Variants in LTN1 observed in about 807,000 individuals in gnomAD.
LTN1 encodes the protein E3 ubiquitin-protein ligase listerin.
In LTN1, 88 loss-of-function variants were observed where a neutral mutation model predicts 201.2. The ratio of observed to expected loss-of-function variants is 0.44; its 90% CI spans 0.37 to 0.52. The LOEUF (loss-of-function observed/expected upper bound fraction) is 0.52, where lower values mean the gene tolerates loss of function less well. Among genes scored for constraint, LTN1 ranks in the 20% least tolerant of loss-of-function variants. LTN1 has a pLI of 0.00. For missense variants in LTN1, 1,752 were observed against 2,038.7 expected (o/e 0.86, Z 2.71); for synonymous variants, 645 against 713.5 (o/e 0.90, Z 1.53).
chr21:28,943,239 CA>C (rs962205103), intron 24 of LTN1, 22 bp downstream of exon 24: 1 of 1,474,724 alleles, frequency 6.8e-7, no homozygotes, highest in Non-Finnish European at 9.4e-7. Flanking sequence ...TTTAATAAAA[CA>C]AATTATTTAA....
In LTN1 at chr21:28,984,751, C is replaced by T; in HGVS notation, c.517G>A (p.Ala173Thr). ...AFAAKDAFEA[A>T]FPPSKQPEAI... Reference sequence around the variant, plus strand: ...TCAGGTTGCTTGCTTGGAGGAAAAGCCGCTTCAAATGCATCTTTTGCTGCA... The same window carrying T: ...TCAGGTTGCTTGCTTGGAGGAAAAGTCGCTTCAAATGCATCTTTTGCTGCA... The change falls in exon 4 of 30, where the codon GCT becomes ACT. Residue 173 changes from alanine (A) to threonine (T), a missense_variant. Physicochemically the swap from Ala to Thr is moderately conservative, Grantham distance 58. Around this residue, in one of 3 missense-constraint regions of LTN1, gnomAD observed 280 missense variants for 375.7 expected, o/e 0.75. Transcript: ENST00000361371. The T allele has an allele frequency of 1.2e-6, 2 of 1,614,144 alleles. No individual in the cohort carries two copies. The highest frequency in any genetic ancestry group is 1.7e-6 in the Non-Finnish European group (2 of 1,180,006).
chr21:28,967,897 T>C (rs1399062954), intron 9 of LTN1: 1 of 152,210 alleles, frequency 6.6e-6, no homozygotes, highest in East Asian at 1.9e-4. Context: ...ATAGCTGGTA[T>C]CTGCTGCAGA....
intron 16 of LTN1, among the ~76,000 whole-genome samples, chr21:28,954,736 T>A (rs2084410401): frequency 6.6e-6 from 1 of 152,186 alleles, no homozygotes; most frequent in Non-Finnish European, 1.5e-5. Context: ...AATATTCATA[T>A]GTAGAAAAGT....
chr21:28,952,837 T>C (rs1256561836), intron 17 of LTN1, among the ~76,000 whole-genome samples: 3 of 152,208 alleles, frequency 2.0e-5, no homozygotes, highest in African/African-American at 7.2e-5. Flanking sequence ...GCCTTCCTAA[T>C]CTAGGGGAGA....
Position 28,958,388 on chromosome 21 carries a change from G to GT in LTN1, c.2744dup (p.Asn915LysfsTer11). 1 of 1,598,966 alleles carries GT rather than the reference G, an allele frequency of 6.3e-7. No homozygotes were observed. Among genetic ancestry groups the GT allele is most frequent in the African/African-American group, 1.4e-5 (1 of 73,686 alleles). ...AAACCAAGCTCAAAAAAGGTTACCT[G>GT]TTGATATCCAAAGATGAAGCCTGAA... On this transcript the variant is annotated frameshift_variant, in exon 14 of 30. Coordinates refer to ENST00000361371, the MANE Select transcript of LTN1 (RefSeq NM_015565.3). LOFTEE classifies it high-confidence loss of function.
chr21:28,980,994 TGAATAGCCTACCACACA>T, intron 6 of LTN1, 108 bp downstream of exon 6: 1 of 519,100 alleles, frequency 1.9e-6, no homozygotes, highest in Non-Finnish European at 3.3e-6. Flanking sequence ...ATTCAGTAAA[TGAATAGCCTACCACACA>T]GATGTGCTTG....
chr21:28,929,442 C>G lies in LTN1; in HGVS notation c.*1006G>C, dbSNP rs1200533658. The G allele has an allele frequency of 6.6e-6, 1 of 152,372 alleles. No individual in the cohort carries two copies. Among genetic ancestry groups the G allele is most frequent in the Non-Finnish European group, 1.5e-5 (1 of 67,972 alleles). The allele number at this position is 152,372 out of a possible 1,614,324, so 9.4% of individuals were successfully genotyped here. On this transcript the variant is annotated 3_prime_UTR_variant, in exon 30 of 30. Coordinates refer to ENST00000361371, the MANE Select transcript of LTN1 (RefSeq NM_015565.3). ...CTATTATACTGAATTTTACCTAGTG[C>G]TAAAATCCTTAACTTTCATTTCTGA...
intron 16 of LTN1, among the ~76,000 whole-genome samples, chr21:28,955,364 C>T (rs2084416238): frequency 6.6e-6 from 1 of 151,944 alleles, no homozygotes; most frequent in Non-Finnish European, 1.5e-5. Flanking sequence ...AACTTATATA[C>T]TATTGGTAGG....
At position 28,969,546 on chromosome 21, in the gene LTN1, C is replaced by T. The variant is rs765617080; in HGVS notation, c.1231G>A (p.Ala411Thr). Reference sequence around the variant, plus strand: ...ATAAAACGTAAGCATTCAAAAAAAGCAGATATTACTGCCGAGGACTCTAAA... The same window carrying T: ...ATAAAACGTAAGCATTCAAAAAAAGTAGATATTACTGCCGAGGACTCTAAA... Reference protein sequence around the residue: ...SSLESSAVISAFFECLRFIMQ... With the variant: ...SSLESSAVISTFFECLRFIMQ... Residue 411 changes from alanine (A) to threonine (T), a missense_variant, in exon 9 of 30, where the codon GCT (alanine) becomes ACT (threonine). Physicochemically the swap from Ala to Thr is moderately conservative, Grantham distance 58. Coordinates refer to ENST00000361371, the MANE Select transcript of LTN1 (RefSeq NM_015565.3). The T allele has an allele frequency of 1.9e-6, 3 of 1,612,328 alleles. No individual in the cohort carries two copies. Among genetic ancestry groups the T allele is most frequent in the South Asian group, 1.1e-5 (1 of 90,922 alleles).
intron 16 of LTN1, among the ~76,000 whole-genome samples, chr21:28,954,860 T>C (rs1358148373): frequency 6.6e-6 from 1 of 152,172 alleles, no homozygotes; most frequent in Non-Finnish European, 1.5e-5. Flanking sequence ...AGGAACGCTA[T>C]AGGACATTGG....
chr21:28,986,994 T>A lies in LTN1; in HGVS notation c.43-60A>T. 5.3e-6 allele frequency: 6 copies of A among 1,121,898 alleles called. No homozygotes were observed. Among genetic ancestry groups the A allele is most frequent in the African/African-American group, 1.5e-5 (1 of 65,094 alleles). 69.5% of individuals were successfully genotyped at this position (1,121,898 alleles called of 1,614,324 possible). A position where few individuals can be genotyped will look rare whatever the true frequency, so the allele number is the denominator to read the frequency against. Reference sequence around the variant, plus strand: ...CCAGGAAGGGTTCAAAACTTAACTTTATAATTCCTTGGCTATTCCCATGGT... The same window carrying A: ...CCAGGAAGGGTTCAAAACTTAACTTAATAATTCCTTGGCTATTCCCATGGT... On this transcript the variant is annotated intron_variant, in intron 1 of 29. Transcript: ENST00000361371. This position sits in a 1 kb window ranked among gnomAD's most constrained non-coding sequence, Gnocchi z 4.1.
Position 28,943,696 on chromosome 21 carries a change from C to T in LTN1, c.4191G>A (p.Val1397=), listed in dbSNP as rs150974403. The T allele has an allele frequency of 6.8e-6, 11 of 1,612,536 alleles. No individual in the cohort carries two copies. The highest frequency in any genetic ancestry group is 9.3e-6 in the Non-Finnish European group (11 of 1,178,818). Residue 1397 remains valine, a synonymous_variant, in exon 23 of 30, where the codon GTG becomes GTA. Coordinates refer to ENST00000361371, the MANE Select transcript of LTN1 (RefSeq NM_015565.3). ...APLLLFRARP[V]QIAVYHMLYK... ...ATAGCATATGATAAACAGCAATTTGCACAGGCCTAGCTCTGAAGAGGAGTA... is the reference window on the plus strand; with the variant it reads ...ATAGCATATGATAAACAGCAATTTGTACAGGCCTAGCTCTGAAGAGGAGTA...
rs765555600 is a variant in LTN1 at position 28,941,372 on chromosome 21, T to A, written c.4330A>T (p.Ile1444Phe). The A allele has an allele frequency of 1.2e-6, 2 of 1,613,118 alleles. No homozygotes were observed. The highest frequency in any genetic ancestry group is 1.7e-5 in the Admixed American group (1 of 59,694). The change falls in exon 25 of 30, where the codon ATT becomes TTT. Residue 1444 changes from isoleucine to phenylalanine, a missense_variant. By Grantham distance (21) the Ile-to-Phe change is conservative (BLOSUM62 0). Transcript: ENST00000361371. The part of the protein sequence containing the change: ...PPAALMSLLS[I>F]QEDLLENVLG... ...ACATTTTCTAGTAAGTCCTCTTGAA[T>A]GCTAAGAAGAGACATCAGTGCTGCT...
At chr21:28,965,404 G>C (rs548017077) in intron 11 of LTN1, among the ~76,000 whole-genome samples, 1 of 152,050 alleles carries the variant, frequency 6.6e-6, no homozygotes, top group African/African-American at 2.4e-5. Flanking sequence ...AATTTTCTTA[G>C]TCAGTGGCAA....
At position 28,945,870 on chromosome 21, in the gene LTN1, G is replaced by A. The variant is rs368969299; in HGVS notation, c.3705C>T (p.Cys1235=). The change falls in exon 21 of 30, where the codon TGC becomes TGT. Residue 1235 remains cysteine, a synonymous_variant. Transcript: ENST00000361371. ...ACTCACTCTCTGCCAAAGGGGATGA[G>A]CAGTATTTCAGAAATAGGGAAAGAA... ...IRFLSLFLKY[C]SSPLAESEWD... 4.5e-5 allele frequency: 73 copies of A among 1,613,682 alleles called. No individual in the cohort carries two copies. The highest frequency in any genetic ancestry group is 6.7e-5 in the Admixed American group (4 of 59,978).
intron 12 of LTN1, 132 bp downstream of exon 12, chr21:28,960,385 G>GA (rs569987383): frequency 0.024 from 11,838 of 501,942 alleles, no homozygotes; most frequent in Middle Eastern, 0.028. Context: ...GAAAAGAAAA[G>GA]AAAAAAAAAA....
chr21:28,987,862 G>A (rs1039610056), intron 1 of LTN1, among the ~76,000 whole-genome samples: 4 of 152,252 alleles, frequency 2.6e-5, no homozygotes, highest in East Asian at 1.9e-4. Context: ...TGCTCATACC[G>A]GCCGGGCACA....
At chr21:28,953,182 A>C in intron 17 of LTN1, 35 bp downstream of exon 17, 1 of 1,496,618 alleles carries the variant, frequency 6.7e-7, no homozygotes, top group Non-Finnish European at 8.9e-7. Context: ...GAAGTAGCAT[A>C]GTCATTTTAA....
At chr21:28,948,559 G>A (rs1478090973) in intron 18 of LTN1, among the ~76,000 whole-genome samples, 1 of 151,892 alleles carries the variant, frequency 6.6e-6, no homozygotes, top group African/African-American at 2.4e-5. Context: ...AGGCCTGTGT[G>A]TCCTTTCTTT....
Sources: gnomAD v4.1 joint callset for allele counts (sites outside exome capture counted in the v4.1 genomes callset) on GRCh38, gnomAD v4.1.1 for gene constraint, gnomAD v4.1.1 regional missense constraint, Gnocchi (gnomAD v3.1) non-coding constraint, MANE v1.5 for transcripts, NCBI Gene and HGNC (gene_info 2026-07-23, HGNC 2026-07-21) for gene names.